The following CD5L variants were observed in gnomAD, a reference collection of about 807,000 sequenced individuals.
CD5L encodes the protein CD5 antigen-like.
Under a neutral mutation model 40.8 loss-of-function variants are expected in CD5L, and 39 were observed. That is an observed-to-expected ratio of 0.96 (90% CI 0.74 to 1.25). CD5L has a LOEUF of 1.25. Ranked by LOEUF, CD5L falls within the 50% of genes most tolerant of loss-of-function variation. The pLI is 0.00. For synonymous variants in CD5L, 192 were observed against 169.6 expected, an observed-to-expected ratio of 1.13 and a Z score of -1.03; for missense variants, 433 against 435.9, an observed-to-expected ratio of 0.99 and a Z score of 0.06.
chr1:157,835,048 T>C lies in CD5L; in HGVS notation c.377-300A>G, dbSNP rs1656166817. ...GAGATCTTGTATAGACTTTTAAAAA[T>C]AAATACAATAACATACAAGATATAT... On this transcript the variant is annotated intron_variant, in intron 3 of 5. Transcript: ENST00000368174. 2.0e-5 allele frequency among the ~76,000 whole-genome samples: 3 copies of C among 152,240 alleles called. 1 individual carries two copies.
intron 1 of CD5L, among the ~76,000 whole-genome samples, 156 bp from the exon 2 acceptor site, chr1:157,839,566 C>A (rs1022411574): frequency 1.3e-5 from 2 of 152,182 alleles, no homozygotes; most frequent in Admixed American, 1.3e-4. Context: ...TCTGGGATGA[C>A]CATCCTCCAA....
chr1:157,829,111 G>C (rs1655976930), downstream of CD5L, among the ~76,000 whole-genome samples: 1 of 152,230 alleles, frequency 6.6e-6, no homozygotes, highest in South Asian at 2.1e-4. Context: ...AGGAGAGAAA[G>C]CCCATGTGAC....
At position 157,830,974 on chromosome 1, in the gene CD5L, A is replaced by G. The variant is rs1199626181; in HGVS notation, c.*990T>C. ...AAATGTGTAAATGTAGCCGTATAAT[A>G]AGTACTCAGCCTAGCCTCAGAATCT... On this transcript the variant is annotated 3_prime_UTR_variant, in exon 6 of 6. Coordinates refer to ENST00000368174, the MANE Select transcript of CD5L (RefSeq NM_005894.3). The G allele has an allele frequency of 3.0e-6, 3 of 985,166 alleles. No homozygotes were observed. The African/African-American group carries it at 5.2e-5, about 17-fold the overall frequency. 61.0% of individuals were successfully genotyped at this position (985,166 alleles called of 1,614,324 possible). A position where few individuals can be genotyped will look rare whatever the true frequency, so the allele number is the denominator to read the frequency against.
intron 2 of CD5L, among the ~76,000 whole-genome samples, chr1:157,836,648 C>A (rs1189877263): frequency 2.6e-5 from 4 of 152,210 alleles, no homozygotes; most frequent in African/African-American, 9.6e-5. Flanking sequence ...CTCTTCATGA[C>A]TCTGTCTCTC....
At chr1:157,832,043 A>T in intron 5 of CD5L, 75 bp from the exon 6 acceptor site, 1 of 1,167,024 alleles carries the variant, frequency 8.6e-7, no homozygotes, top group Non-Finnish European at 1.2e-6. Context: ...AACTCACATT[A>T]GCTAAGGGAG....
At chr1:157,837,351 G>A (rs865956651) in intron 2 of CD5L, among the ~76,000 whole-genome samples, 72 of 128,672 alleles carry the variant, frequency 5.6e-4, no homozygotes, top group African/African-American at 2.0e-3. Context: ...TGTTAGGTGC[G>A]TACTACATTT....
intron 2 of CD5L, 100 bp from the exon 3 acceptor site, chr1:157,836,255 T>TG: frequency 1.1e-6 from 1 of 945,556 alleles, no homozygotes. Flanking sequence ...ATTCAAATGG[T>TG]GCAGAGTGTT....
rs1557940757 is a variant in CD5L at position 157,834,654 on chromosome 1, G to T, written c.471C>A (p.Asn157Lys). The change falls in exon 4 of 6, where the codon AAC becomes AAA. Residue 157 changes from asparagine to lysine, a missense_variant. By Grantham distance (94) the Asn-to-Lys change is moderately conservative. Transcript: ENST00000368174. ...CKGRVEVKHQ[N>K]QWYTVCQTGW... ...CTGTCTGGCACACGGTATACCACTG[G>T]TTCTGGTGCTTCACTTCCACGCGTC... The T allele has an allele frequency of 6.2e-7, 1 of 1,614,168 alleles. No homozygotes were observed. Among genetic ancestry groups the T allele is most frequent in the East Asian group, 2.2e-5 (1 of 44,886 alleles).
rs1453559076 is a variant in CD5L at position 157,831,030 on chromosome 1, A to G, written c.*934T>C. On this transcript the variant is annotated 3_prime_UTR_variant, in exon 6 of 6. Coordinates refer to ENST00000368174, the MANE Select transcript of CD5L (RefSeq NM_005894.3). ...TGTCAATTTTTACAATCAAGTCTTG[A>G]TTCTCTTATTTCTGTCTTGCCTCAA... 3.0e-6 allele frequency: 3 copies of G among 985,264 alleles called. No individual in the cohort carries two copies. The highest frequency in any genetic ancestry group is 3.6e-6 in the Non-Finnish European group (3 of 829,800). 61.0% of individuals were successfully genotyped at this position (985,264 alleles called of 1,614,324 possible).
chr1:157,837,995 C>G (rs1656266490), intron 2 of CD5L, among the ~76,000 whole-genome samples: 1 of 151,908 alleles, frequency 6.6e-6, no homozygotes, highest in African/African-American at 2.4e-5. Flanking sequence ...CCAGGATGGT[C>G]TCAATCTCCT....
chr1:157,836,322 C>T (rs1656214276), intron 2 of CD5L, among the ~76,000 whole-genome samples, 167 bp from the exon 3 acceptor site: 1 of 152,178 alleles, frequency 6.6e-6, no homozygotes, highest in African/African-American at 2.4e-5. Flanking sequence ...CTTCAGAACT[C>T]CGTGTCTGAG....
In CD5L at chr1:157,834,511, T is replaced by C. The variant is rs1656141397; in HGVS notation, c.614A>G (p.Gln205Arg). The C allele has an allele frequency of 1.2e-6, 2 of 1,614,254 alleles. No homozygotes were observed. The highest frequency in any genetic ancestry group is 1.7e-6 in the Non-Finnish European group (2 of 1,180,044). ...AYGRKPIWLS[Q>R]MSCSGREATL... Reference sequence around the variant, plus strand: ...TGCTTCTCGTCCTGAGCATGACATCTGGCTCAGCCAGATGGGTTTTCGGCC... The same window carrying C: ...TGCTTCTCGTCCTGAGCATGACATCCGGCTCAGCCAGATGGGTTTTCGGCC... The change falls in exon 4 of 6, where the codon CAG (glutamine) becomes CGG (arginine). Residue 205 changes from glutamine to arginine, a missense_variant. Transcript: ENST00000368174.
At chr1:157,836,307 A>G (rs1277991655) in intron 2 of CD5L, 152 bp from the exon 3 acceptor site, 5 of 654,522 alleles carry the variant, frequency 7.6e-6, no homozygotes, top group Non-Finnish European at 1.3e-5. Flanking sequence ...GGGAAGGAAG[A>G]GGAGCTTCAG....
downstream of CD5L, among the ~76,000 whole-genome samples, chr1:157,829,586 C>G (rs1220351929): frequency 1.3e-5 from 2 of 152,178 alleles, no homozygotes; most frequent in Non-Finnish European, 2.9e-5. Flanking sequence ...TTTATAGGCT[C>G]TGGTCCTTAT....
In CD5L at chr1:157,832,068, A is replaced by G; in HGVS notation, c.1040-100T>C. On this transcript the variant is annotated intron_variant, in intron 5 of 5. Transcript: ENST00000368174. ...AGCTAAGGGAGAAGACTGGGGCTCAACATAGGAAAAAGAGCTAAGCCATGT... is the reference window on the plus strand; with the variant it reads ...AGCTAAGGGAGAAGACTGGGGCTCAGCATAGGAAAAAGAGCTAAGCCATGT... 4.2e-6 allele frequency: 4 copies of G among 955,932 alleles called. No individual in the cohort carries two copies. The Admixed American group carries it at 7.4e-5, about 18-fold the overall frequency. 59.2% of individuals were successfully genotyped at this position (955,932 alleles called of 1,614,324 possible). A position where few individuals can be genotyped will look rare whatever the true frequency, so the allele number is the denominator to read the frequency against.
At chr1:157,827,263 GGTGTATGTGTGTGTGTGT>G (rs1211378957), downstream of CD5L, among the ~76,000 whole-genome samples, 6 of 117,092 alleles carry the variant, frequency 5.1e-5, no homozygotes, top group African/African-American at 1.3e-4. Flanking sequence ...CAGGACAAAT[GGTGTATGTGTGTGTGTGT>G]GTGTGTGTGT....
chr1:157,834,393 C>A lies in CD5L; in HGVS notation c.718+14G>T. The A allele has an allele frequency of 6.3e-7, 1 of 1,593,002 alleles. No individual in the cohort carries two copies. The highest frequency in any genetic ancestry group is 1.1e-5 in the South Asian group (1 of 89,328). On this transcript the variant is annotated intron_variant, in intron 4 of 5. Coordinates refer to ENST00000368174, the MANE Select transcript of CD5L (RefSeq NM_005894.3). ...TCCATGAATAAACCTAGTCTTTGGA[C>A]GCACAGGCATTACCTTCACATTCGA...
chr1:157,834,016 C>T (rs1656123172), intron 4 of CD5L, among the ~76,000 whole-genome samples: 1 of 152,084 alleles, frequency 6.6e-6, no homozygotes, highest in Non-Finnish European at 1.5e-5. Context: ...CATGTTCTAA[C>T]CTCTGTTGTC....
chr1:157,831,462 A>G lies in CD5L; in HGVS notation c.*502T>C. 3 of 985,596 alleles carry G rather than the reference A, an allele frequency of 3.0e-6. No homozygotes were observed. The highest frequency in any genetic ancestry group is 3.6e-6 in the Non-Finnish European group (3 of 830,070). 61.1% of individuals were successfully genotyped at this position (985,596 alleles called of 1,614,324 possible). A position where few individuals can be genotyped will look rare whatever the true frequency, so the allele number is the denominator to read the frequency against. On this transcript the variant is annotated 3_prime_UTR_variant, in exon 6 of 6. Coordinates refer to ENST00000368174, the MANE Select transcript of CD5L (RefSeq NM_005894.3). The stretch of plus-strand genomic sequence containing the variant: ...GAGGAAAAAAAAAAAAAGTAGTCCA[A>G]TCAAAAGAATTCTAAACTTTCCCCC...
Sources: allele counts gnomAD v4.1 joint callset (sites outside exome capture counted in the v4.1 genomes callset), GRCh38; gene constraint gnomAD v4.1.1; transcripts MANE v1.5; gene names NCBI Gene and HGNC (gene_info 2026-07-23, HGNC 2026-07-21).